The following SLF1 variants were observed in gnomAD, a reference collection of about 807,000 sequenced individuals.
SLF1 encodes the protein SMC5-SMC6 complex localization factor protein 1.
A neutral mutation model predicts 123.0 loss-of-function variants in SLF1; 105 were observed. The ratio of observed to expected loss-of-function variants is 0.85; its 90% CI spans 0.73 to 1.00. The LOEUF (loss-of-function observed/expected upper bound fraction) is 1.00, where lower values mean the gene tolerates loss of function less well. Among genes scored for constraint, SLF1 ranks in the 50% least tolerant of loss-of-function variants. SLF1 has a pLI of 0.00. For missense variants in SLF1, 1,239 were observed against 1,223.0 expected (o/e 1.01, Z -0.20); for synonymous variants, 434 against 406.6 (o/e 1.07, Z -0.81).
intron 8 of SLF1, 32 bp from the exon 9 acceptor site, chr5:94,654,598 T>C: frequency 6.7e-7 from 1 of 1,500,564 alleles, no homozygotes; most frequent in Non-Finnish European, 8.9e-7. Context: ...TTTAGTACAT[T>C]TTCTAAAGTC....
Position 94,695,352 on chromosome 5 carries a change from A to G in SLF1, c.*40A>G. On this transcript the variant is annotated 3_prime_UTR_variant, in exon 21 of 21. Transcript: ENST00000265140. ...ATGGATTGACTTTCTAAATCTGTTC[A>G]GTTTGCATTGGTACTTACTGTGGAC... is the stretch of plus-strand genomic sequence containing the variant. 1.3e-6 allele frequency: 2 copies of G among 1,557,356 alleles called. No individual in the cohort carries two copies. The highest frequency in any genetic ancestry group is 1.7e-6 in the Non-Finnish European group (2 of 1,152,196).
chr5:94,622,061 G>T (rs1156999963), intron 1 of SLF1, among the ~76,000 whole-genome samples: 1 of 152,068 alleles, frequency 6.6e-6, no homozygotes, highest in Non-Finnish European at 1.5e-5. Context: ...ATTTCTAAAC[G>T]CCACTTGTAG....
intron 16 of SLF1, among the ~76,000 whole-genome samples, chr5:94,687,039 C>T (rs562626936): frequency 3.3e-5 from 5 of 152,342 alleles, no homozygotes; most frequent in East Asian, 1.9e-4. Flanking sequence ...GCTGGGATTA[C>T]AGGCGTGAGC....
At position 94,695,035 on chromosome 5, in the gene SLF1, G is replaced by A. The variant is rs1350539268; in HGVS notation, c.2900G>A (p.Cys967Tyr). ...CTTAGTAGGATGTTGCTAAATTTTT[G>A]TTCAATTTTTGATTTATCTTCAGAG... ...FLLSRMLLNF[C>Y]SIFDLSSEFI... is the part of the protein sequence containing the mutation. Residue 967 changes from cysteine to tyrosine, a missense_variant, in exon 21 of 21, where the codon TGT (cysteine) becomes TAT (tyrosine). Coordinates refer to ENST00000265140, the MANE Select transcript of SLF1 (RefSeq NM_032290.4). The A allele has an allele frequency of 1.2e-5, 20 of 1,612,020 alleles. No homozygotes were observed. The highest frequency in any genetic ancestry group is 4.0e-5 in the African/African-American group (3 of 74,728).
At chr5:94,655,533 C>T (rs12655521) in intron 9 of SLF1, among the ~76,000 whole-genome samples, 33,844 of 151,968 alleles carry the variant, frequency 0.22, 3,894 homozygotes, top group East Asian at 0.34. Flanking sequence ...TTGTAGATTA[C>T]TTTGGGCAAT....
intron 8 of SLF1, 101 bp from the exon 9 acceptor site, chr5:94,654,529 T>C: frequency 1.2e-6 from 1 of 819,566 alleles, no homozygotes; most frequent in Non-Finnish European, 1.7e-6. Context: ...GTGGTTAACA[T>C]GGTATGAATG....
intron 9 of SLF1, among the ~76,000 whole-genome samples, chr5:94,659,590 T>C (rs918834753): frequency 6.6e-6 from 1 of 152,178 alleles, no homozygotes; most frequent in African/African-American, 2.4e-5. Flanking sequence ...TCTTCATCTG[T>C]AGTCATCCAC....
At chr5:94,650,600 G>A (rs1260434269) in intron 6 of SLF1, among the ~76,000 whole-genome samples, 2 of 152,152 alleles carry the variant, frequency 1.3e-5, no homozygotes, top group East Asian at 1.9e-4. Flanking sequence ...TCCTGACCTC[G>A]TGATCCGCCC....
chr5:94,635,998 T>C (rs1378609377), intron 4 of SLF1, among the ~76,000 whole-genome samples: 1 of 152,236 alleles, frequency 6.6e-6, no homozygotes, highest in African/African-American at 2.4e-5. Context: ...TAAACTACTT[T>C]AGTTTTTGTT....
chr5:94,660,833 T>G (rs1749015681), intron 9 of SLF1, among the ~76,000 whole-genome samples: 2 of 152,298 alleles, frequency 1.3e-5, no homozygotes, highest in Non-Finnish European at 2.9e-5. Context: ...CAGGTGGCTC[T>G]CAGGATCTGA....
chr5:94,624,583 C>T (rs139825006), intron 1 of SLF1, among the ~76,000 whole-genome samples: 270 of 152,102 alleles, frequency 1.8e-3, no homozygotes, highest in African/African-American at 5.8e-3. Context: ...GAAACAGCAA[C>T]ATAGTATATG....
At chr5:94,670,033 C>A (rs1028599710) in intron 12 of SLF1, 118 bp from the exon 13 acceptor site, 1 of 1,059,588 alleles carries the variant, frequency 9.4e-7, no homozygotes, top group South Asian at 2.2e-5. Context: ...GTTGAACTTT[C>A]TATTTTAAGA....
In SLF1 at chr5:94,654,638, GAAGAATTCT is replaced by G; in HGVS notation, c.1043_1051del (p.Lys348_Ser350del). On this transcript the variant is annotated inframe_deletion, in exon 9 of 21. Transcript: ENST00000265140. The stretch of plus-strand genomic sequence containing the variant: ...TACTTTGCTATATGCAGAAAGAAAT[GAAGAATTCT>G]ATTTTTGCTGAATATGCCAAAGAAT... 1 of 1,536,686 alleles carries G rather than the reference GAAGAATTCT, an allele frequency of 6.5e-7. No homozygotes were observed. Among genetic ancestry groups the G allele is most frequent in the Non-Finnish European group, 8.8e-7 (1 of 1,139,884 alleles).
intron 5 of SLF1, 60 bp from the exon 6 acceptor site, chr5:94,649,394 C>T (rs767648347): frequency 1.0e-4 from 131 of 1,308,014 alleles, no homozygotes; most frequent in Admixed American, 1.4e-4. Context: ...TACCATAAAA[C>T]GTACATAATA....
At chr5:94,618,903 C>G (rs1029300440) in intron 1 of SLF1, 138 bp downstream of exon 1, 1 of 153,942 alleles carries the variant, frequency 6.5e-6, no homozygotes, top group Non-Finnish European at 1.5e-5. Flanking sequence ...GCAGCGGTGT[C>G]TGGCTCTCGC....
chr5:94,640,894 T>C (rs1746364403), intron 4 of SLF1, among the ~76,000 whole-genome samples: 1 of 152,248 alleles, frequency 6.6e-6, no homozygotes, highest in African/African-American at 2.4e-5. Context: ...GTCACAGTTA[T>C]GTTAAAGTTG....
intron 1 of SLF1, among the ~76,000 whole-genome samples, chr5:94,624,053 A>G (rs1443205254): frequency 6.6e-6 from 1 of 152,126 alleles, no homozygotes; most frequent in African/African-American, 2.4e-5. Flanking sequence ...AAACTGTGCT[A>G]GTTATTTTGG....
chr5:94,641,104 T>A (rs554753958), intron 4 of SLF1, among the ~76,000 whole-genome samples: 1 of 152,236 alleles, frequency 6.6e-6, no homozygotes, highest in South Asian at 2.1e-4. Context: ...ACCTCTTCTG[T>A]AAGGTGGTTA....
intron 18 of SLF1, among the ~76,000 whole-genome samples, chr5:94,690,469 TTTTC>T (rs1223582734): frequency 1.3e-5 from 2 of 152,170 alleles, no homozygotes; most frequent in Admixed American, 6.5e-5. Flanking sequence ...TCAGCGTTCT[TTTTC>T]TTTGTTTTAT....
Sources: gnomAD v4.1 joint callset for allele counts (sites outside exome capture counted in the v4.1 genomes callset) on GRCh38, gnomAD v4.1.1 for gene constraint, MANE v1.5 for transcripts, NCBI Gene and HGNC (gene_info 2026-07-23, HGNC 2026-07-21) for gene names.